The following CAMKMT variants were observed in gnomAD, a reference collection of about 807,000 sequenced individuals.
CAMKMT encodes calmodulin-lysine N-methyltransferase.
Under a neutral mutation model 48.0 loss-of-function variants are expected in CAMKMT, and 53 were observed. That is an observed-to-expected ratio of 1.10 (90% CI 0.89 to 1.39). CAMKMT has a LOEUF of 1.39. Among genes scored for constraint, CAMKMT ranks in the 40% most tolerant of loss-of-function variants. The pLI is 0.00. For missense variants in CAMKMT, 428 were observed against 402.7 expected (o/e 1.06, Z -0.54); for synonymous variants, 165 against 152.3 (o/e 1.08, Z -0.61).
intron 3 of CAMKMT, among the ~76,000 whole-genome samples, chr2:44,590,068 G>A (rs1033958631): frequency 3.3e-5 from 5 of 151,022 alleles, no homozygotes; most frequent in Non-Finnish European, 4.4e-5. Context: ...CCACATGGAC[G>A]GTCATGTTGT....
chr2:44,635,253 A>G (rs1320154598), intron 3 of CAMKMT, among the ~76,000 whole-genome samples: 2 of 152,156 alleles, frequency 1.3e-5, no homozygotes, highest in Non-Finnish European at 2.9e-5. Context: ...GGTAGCAGGA[A>G]TGGCCAATAG....
At chr2:44,740,394 T>C (rs915594063) in intron 7 of CAMKMT, among the ~76,000 whole-genome samples, 3 of 152,066 alleles carry the variant, frequency 2.0e-5, no homozygotes, top group African/African-American at 7.2e-5. Flanking sequence ...TCTCCCAAAG[T>C]GCTAGGATTA....
intron 1 of CAMKMT, among the ~76,000 whole-genome samples, chr2:44,363,814 C>A (rs1459998606): frequency 1.3e-5 from 2 of 151,460 alleles, no homozygotes; most frequent in African/African-American, 4.9e-5. Context: ...ACTCAGCCTT[C>A]CGAATAGCTG....
chr2:44,550,178 TTGC>T, intron 3 of CAMKMT, among the ~76,000 whole-genome samples: 1 of 152,184 alleles, frequency 6.6e-6, no homozygotes, highest in Admixed American at 6.5e-5. Flanking sequence ...GGTGGGTGGA[TTGC>T]TTGAGCCCAG....
chr2:44,553,201 G>C (rs569862487), intron 3 of CAMKMT, among the ~76,000 whole-genome samples: 13 of 152,208 alleles, frequency 8.5e-5, no homozygotes, highest in African/African-American at 2.9e-4. Flanking sequence ...CTGGTGTTCT[G>C]TTCACTGTTG....
At chr2:44,766,350 T>A in intron 9 of CAMKMT, 80 bp from the exon 10 acceptor site, 2 of 1,528,830 alleles carry the variant, frequency 1.3e-6, no homozygotes, top group Non-Finnish European at 1.8e-6. Flanking sequence ...GAGCAGTACA[T>A]TAAATGCTTT....
At chr2:44,406,270 G>T (rs1682770123) in intron 3 of CAMKMT, among the ~76,000 whole-genome samples, 1 of 151,652 alleles carries the variant, frequency 6.6e-6, no homozygotes, top group African/African-American at 2.4e-5. Flanking sequence ...TTGTCATTTT[G>T]CCTTAAGTCT....
At chr2:44,543,386 C>CTGT (rs1218631037) in intron 3 of CAMKMT, among the ~76,000 whole-genome samples, 2 of 152,136 alleles carry the variant, frequency 1.3e-5, no homozygotes, top group Non-Finnish European at 2.9e-5. Flanking sequence ...AAAGAGAGCT[C>CTGT]TGTTCTGGAT....
intron 3 of CAMKMT, among the ~76,000 whole-genome samples, chr2:44,530,762 G>A (rs1173118727): frequency 2.6e-5 from 4 of 151,958 alleles, no homozygotes; most frequent in Non-Finnish European, 4.4e-5. Flanking sequence ...GATATCTGAT[G>A]CATTTTAAGA....
chr2:44,409,087 A>C (rs1243780591), intron 3 of CAMKMT, among the ~76,000 whole-genome samples: 2 of 760 alleles, frequency 2.6e-3, no homozygotes, highest in Non-Finnish European at 3.5e-3. Context: ...GCCGATATAT[A>C]TATATATATA....
chr2:44,525,310 CAGT>C (rs1671347693), intron 3 of CAMKMT, among the ~76,000 whole-genome samples: 1 of 151,870 alleles, frequency 6.6e-6, no homozygotes, highest in African/African-American at 2.4e-5. Context: ...GGCTGGAGTG[CAGT>C]GGTGTGATCT....
At chr2:44,406,230 A>G (rs1459746987) in intron 3 of CAMKMT, among the ~76,000 whole-genome samples, 1 of 151,602 alleles carries the variant, frequency 6.6e-6, no homozygotes, top group Non-Finnish European at 1.5e-5. Flanking sequence ...CAATTATAGC[A>G]TTGCTCCAAA....
rs1441462793 is a variant in CAMKMT at position 44,583,206 on chromosome 2, T to C, written c.377-121077T>C. 3.3e-5 allele frequency among the ~76,000 whole-genome samples: 5 copies of C among 152,134 alleles called. No homozygotes were observed. In the South Asian group the frequency reaches 1.0e-3, roughly 31 times the overall value. On this transcript the variant is annotated intron_variant, in intron 3 of 10. Coordinates refer to ENST00000378494, the MANE Select transcript of CAMKMT (RefSeq NM_024766.5). ...GGACTGGATATTCATTCAACAAGTA[T>C]CTATTGGATGCCTACTAGCTATGAG...
intron 3 of CAMKMT, among the ~76,000 whole-genome samples, chr2:44,691,606 G>C (rs1242615538): frequency 6.6e-6 from 1 of 151,962 alleles, no homozygotes; most frequent in Non-Finnish European, 1.5e-5. Flanking sequence ...CTCCTTATCT[G>C]CCCTTCTCTC....
chr2:44,411,617 T>C (rs1247130551), intron 3 of CAMKMT, among the ~76,000 whole-genome samples: 2 of 152,188 alleles, frequency 1.3e-5, no homozygotes, highest in African/African-American at 2.4e-5. Flanking sequence ...CTTTTTTTCA[T>C]ATTTTATTCA....
intron 7 of CAMKMT, among the ~76,000 whole-genome samples, chr2:44,730,837 G>T (rs974734162): frequency 6.6e-6 from 1 of 152,226 alleles, no homozygotes; most frequent in African/African-American, 2.4e-5. Context: ...ACTTTGAGAA[G>T]TGACATAAAA....
chr2:44,690,135 A>C (rs536787560), intron 3 of CAMKMT, among the ~76,000 whole-genome samples: 16 of 152,350 alleles, frequency 1.1e-4, no homozygotes, highest in Non-Finnish European at 1.9e-4. Flanking sequence ...ATTTCTTGGT[A>C]GAGGTTTAAA....
chr2:44,515,423 A>T (rs1468236427), intron 3 of CAMKMT, among the ~76,000 whole-genome samples: 1 of 152,200 alleles, frequency 6.6e-6, no homozygotes, highest in Non-Finnish European at 1.5e-5. Flanking sequence ...GATATCTATA[A>T]TCTCTGTGGA....
chr2:44,412,949 G>A (rs746953414), intron 3 of CAMKMT, among the ~76,000 whole-genome samples: 17 of 151,812 alleles, frequency 1.1e-4, no homozygotes, highest in African/African-American at 1.9e-4. Flanking sequence ...GGTGGCGTGC[G>A]CCTGTAAACC....
Sources: allele counts gnomAD v4.1 joint callset (sites outside exome capture counted in the v4.1 genomes callset), GRCh38; gene constraint gnomAD v4.1.1; transcripts MANE v1.5; gene names NCBI Gene and HGNC (gene_info 2026-07-23, HGNC 2026-07-21).